The following SLIT3 variants were observed in gnomAD, a reference collection of about 807,000 sequenced individuals.
SLIT3 encodes the protein slit homolog 3 protein.
Under a neutral mutation model 184.0 loss-of-function variants are expected in SLIT3, and 68 were observed. The observed-to-expected ratio is 0.37, with a 90% CI of 0.30 to 0.45. SLIT3 has a LOEUF of 0.45. Among genes scored for constraint, SLIT3 ranks in the 20% least tolerant of loss-of-function variants. The pLI is 1.00. For missense variants in SLIT3, 1,707 were observed against 2,026.0 expected, an observed-to-expected ratio of 0.84 and a Z score of 3.02; for synonymous variants, 831 against 828.6, an observed-to-expected ratio of 1.00 and a Z score of -0.05.
chr5:168,691,343 A>T (rs1000018307), intron 29 of SLIT3, among the ~76,000 whole-genome samples: 1 of 152,222 alleles, frequency 6.6e-6, no homozygotes, highest in Admixed American at 6.5e-5. Context: ...AGATTCTGTG[A>T]TTGGGCTTTC....
chr5:169,220,919 A>T (rs1245975427), intron 3 of SLIT3, among the ~76,000 whole-genome samples: 1 of 152,172 alleles, frequency 6.6e-6, no homozygotes, highest in African/African-American at 2.4e-5. Context: ...CTTCTGTACC[A>T]GCCCCTTCTG....
At chr5:169,013,410 G>C (rs1756235738) in intron 4 of SLIT3, 1 of 152,216 alleles carries the variant, frequency 6.6e-6, no homozygotes, top group African/African-American at 2.4e-5. Context: ...CCCCCAGGAT[G>C]GGAGACAGGA....
At chr5:169,295,592 C>T (rs1177373360) in intron 1 of SLIT3, among the ~76,000 whole-genome samples, 6 of 152,248 alleles carry the variant, frequency 3.9e-5, no homozygotes, top group Admixed American at 1.3e-4. Context: ...GCAATTCAAA[C>T]CCACAGTCGT....
At chr5:168,930,554 G>T (rs1562011872) in intron 4 of SLIT3, among the ~76,000 whole-genome samples, 1 of 152,072 alleles carries the variant, frequency 6.6e-6, no homozygotes, top group Non-Finnish European at 1.5e-5. Context: ...CCTACTGTAG[G>T]TGGGGAGGCT....
intron 1 of SLIT3, among the ~76,000 whole-genome samples, chr5:169,292,018 TGTG>T (rs1184885257): frequency 6.6e-6 from 1 of 152,218 alleles, no homozygotes; most frequent in Non-Finnish European, 1.5e-5. Flanking sequence ...CAGCTATTGT[TGTG>T]GTGATGGTTG....
At chr5:168,921,289 G>A (rs1198232167) in intron 4 of SLIT3, among the ~76,000 whole-genome samples, 6 of 152,160 alleles carry the variant, frequency 3.9e-5, no homozygotes, top group South Asian at 2.1e-4. Context: ...CTTCTCTCAC[G>A]CTTCCACTCC....
At chr5:169,229,278 GT>G (rs1007428554) in intron 3 of SLIT3, among the ~76,000 whole-genome samples, 4 of 151,964 alleles carry the variant, frequency 2.6e-5, no homozygotes, top group South Asian at 4.2e-4. Flanking sequence ...CTAAAATCTA[GT>G]TTTTTTGATC....
intron 4 of SLIT3, among the ~76,000 whole-genome samples, chr5:168,967,437 C>CCTTTTTTTTTTTTTTTTTTTTT (rs1763237303): frequency 3.1e-5 from 1 of 32,732 alleles, no homozygotes; most frequent in Admixed American, 4.9e-4. Context: ...CATCTCAAAT[C>CCTTTTTTTTTTTTTTTTTTTTT]TTTTTTTTTT....
At chr5:168,959,057 C>T (rs116049319) in intron 4 of SLIT3, among the ~76,000 whole-genome samples, 1,853 of 152,342 alleles carry the variant, frequency 0.012, 35 homozygotes, top group African/African-American at 0.041. Context: ...TCCTGGCAGA[C>T]GACTCCAGTC....
intron 4 of SLIT3, among the ~76,000 whole-genome samples, chr5:169,044,173 T>C (rs979771180): frequency 6.6e-6 from 1 of 152,170 alleles, no homozygotes; most frequent in Admixed American, 6.5e-5. Flanking sequence ...AACTGAAACA[T>C]GCATACATTG....
intron 4 of SLIT3, among the ~76,000 whole-genome samples, chr5:168,922,457 A>G (rs1283960238): frequency 2.8e-5 from 1 of 35,462 alleles, no homozygotes; most frequent in South Asian, 5.5e-4. Flanking sequence ...ACTCTGTCTC[A>G]AAAAAAAAAA....
At chr5:168,949,668 C>T (rs72826541) in intron 4 of SLIT3, among the ~76,000 whole-genome samples, 242 of 152,270 alleles carry the variant, frequency 1.6e-3, no homozygotes, top group African/African-American at 2.5e-3. Context: ...CGCGAGATTA[C>T]GGCTCACTGC....
At chr5:168,989,528 G>C (rs1401546332) in intron 4 of SLIT3, among the ~76,000 whole-genome samples, 1 of 152,218 alleles carries the variant, frequency 6.6e-6, no homozygotes, top group African/African-American at 2.4e-5. Context: ...ACAAGTTCCA[G>C]CTAACATCTC....
At chr5:169,242,857 A>G (rs564657151) in intron 3 of SLIT3, among the ~76,000 whole-genome samples, 188 of 152,256 alleles carry the variant, frequency 1.2e-3, no homozygotes, top group African/African-American at 4.4e-3. Context: ...AGCCAAAGAA[A>G]AGAGGCTTTG....
chr5:168,739,512 T>G (rs1370632736), intron 20 of SLIT3, among the ~76,000 whole-genome samples: 3 of 151,226 alleles, frequency 2.0e-5, no homozygotes, highest in African/African-American at 7.3e-5. Flanking sequence ...AACCTCTGCC[T>G]CCCAGCTTCA....
rs575591162 is a variant in SLIT3, at chr5:169,148,399, G to T, written c.413+45080C>A. ...TGATGACAAAACGTCCACACGGGCA[G>T]AAAAAACAGAATAGCCTGAAAGCTC... On this transcript the variant is annotated intron_variant, in intron 4 of 35. Coordinates refer to ENST00000519560, the MANE Select transcript of SLIT3 (RefSeq NM_003062.4). 3.3e-5 allele frequency among the ~76,000 whole-genome samples: 5 copies of T among 152,294 alleles called. No individual in the cohort carries two copies. The East Asian group carries it at 9.6e-4, about 29-fold the overall frequency.
chr5:168,809,255 C>T (rs1757086987), intron 8 of SLIT3, among the ~76,000 whole-genome samples: 1 of 152,166 alleles, frequency 6.6e-6, no homozygotes. Flanking sequence ...CGCAGGGTGA[C>T]TCCCATTCTG....
intron 3 of SLIT3, among the ~76,000 whole-genome samples, chr5:169,224,121 C>A (rs908293643): frequency 6.6e-6 from 1 of 152,184 alleles, no homozygotes; most frequent in East Asian, 1.9e-4. Flanking sequence ...AGCAATGAGA[C>A]TTTGGTCTCA....
chr5:169,025,440 G>T (rs1307651771), intron 4 of SLIT3, among the ~76,000 whole-genome samples: 4 of 152,164 alleles, frequency 2.6e-5, no homozygotes, highest in African/African-American at 9.7e-5. Context: ...AAGTAGAGAG[G>T]CTCAAAACCA....
Sources: gnomAD v4.1 joint callset for allele counts (sites outside exome capture counted in the v4.1 genomes callset) on GRCh38, gnomAD v4.1.1 for gene constraint, MANE v1.5 for transcripts, NCBI Gene and HGNC (gene_info 2026-07-23, HGNC 2026-07-21) for gene names.